The following VGLL4 variants were observed in gnomAD, a reference collection of about 807,000 sequenced individuals.
The protein encoded by VGLL4 is transcription cofactor vestigial-like protein 4.
VGLL4 carries 7 observed loss-of-function variants against 21.0 expected under a neutral mutation model. The ratio of observed to expected loss-of-function variants is 0.33; its 90% CI spans 0.19 to 0.63. VGLL4 has a LOEUF of 0.63. Ranked by LOEUF, VGLL4 falls within the 20% of genes least tolerant of loss-of-function variation. The pLI, the probability that VGLL4 is intolerant of heterozygous loss-of-function variation, is 0.78. For missense variants in VGLL4, 394 were observed against 425.7 expected (o/e 0.93, Z 0.66); for synonymous variants, 222 against 173.2 (o/e 1.28, Z -2.21).
chr3:11,684,428 T>C (rs944808044), intron 2 of VGLL4, among the ~76,000 whole-genome samples: 1 of 152,094 alleles, frequency 6.6e-6, no homozygotes, highest in Non-Finnish European at 1.5e-5. Flanking sequence ...TCACCCAGGC[T>C]GGAATGCAAT....
chr3:11,661,475 AT>A (rs1486397818), intron 2 of VGLL4, among the ~76,000 whole-genome samples: 1 of 151,448 alleles, frequency 6.6e-6, no homozygotes, highest in East Asian at 1.9e-4. Context: ...CTATTTATTT[AT>A]TTATTTATTT....
At chr3:11,675,575 G>A (rs952407012) in intron 2 of VGLL4, among the ~76,000 whole-genome samples, 1 of 152,020 alleles carries the variant, frequency 6.6e-6, no homozygotes, top group East Asian at 1.9e-4. Flanking sequence ...AAATATAAAA[G>A]TGTAATATAT....
intron 1 of VGLL4, among the ~76,000 whole-genome samples, chr3:11,628,858 A>G (rs939182965): frequency 1.3e-5 from 2 of 152,206 alleles, no homozygotes; most frequent in African/African-American, 2.4e-5. Context: ...CTCACTGCTA[A>G]TAACTTTAAA....
intron 2 of VGLL4, among the ~76,000 whole-genome samples, chr3:11,662,198 C>T (rs990475559): frequency 6.6e-5 from 10 of 152,206 alleles, no homozygotes; most frequent in Non-Finnish European, 4.4e-5. Flanking sequence ...GAAATGAAGG[C>T]AGAACCTGAG....
chr3:11,564,847 T>C lies in VGLL4; in HGVS notation c.445A>G (p.Ser149Gly). ...GTGGGCGAGAGGCCGGCTGGCCTGC[T>C]GGCGTCCAGGCTGTTCTTGGTCAGT... ...LALTKNSLDA[S>G]RPAGLSPTLT... The change falls in exon 3 of 5, where the codon AGC becomes GGC. Residue 149 changes from serine (S) to glycine (G), a missense_variant. Physicochemically the swap from Ser to Gly is moderately conservative, Grantham distance 56. Coordinates refer to ENST00000430365, the MANE Select transcript of VGLL4 (RefSeq NM_001128219.3). 6.2e-7 allele frequency: 1 copy of C among 1,604,136 alleles called. No individual in the cohort carries two copies. The highest frequency in any genetic ancestry group is 2.2e-5 in the East Asian group (1 of 44,564).
rs553272206 is a variant in VGLL4 at position 11,682,860 on chromosome 3, CA to C, written c.64+20110del. On this transcript the variant is annotated intron_variant, in intron 2 of 5. Coordinates refer to the VGLL4 transcript ENST00000273038. ...ACAATCAAGGTCCTATCCATTCCTACAGGCCTAAATTAGCATCTTCTGCATG... is the reference window on the plus strand; with the variant it reads ...ACAATCAAGGTCCTATCCATTCCTACGGCCTAAATTAGCATCTTCTGCATG... Among the ~76,000 whole-genome samples the C allele has an allele frequency of 4.0e-4, 61 of 152,210 alleles. No individual in the cohort carries two copies. The East Asian group carries it at 7.2e-3, about 18-fold the overall frequency.
In VGLL4 at chr3:11,558,296, A is replaced by C; in HGVS notation, c.*260T>G. 3.5e-6 allele frequency: 2 copies of C among 568,620 alleles called. No individual in the cohort carries two copies. Among genetic ancestry groups the C allele is most frequent in the East Asian group, 3.0e-5 (1 of 33,294 alleles). The allele number at this position is 568,620 out of a possible 1,614,324, so 35.2% of individuals were successfully genotyped here. A position where few individuals can be genotyped will look rare whatever the true frequency, so the allele number is the denominator to read the frequency against. On this transcript the variant is annotated 3_prime_UTR_variant, in exon 5 of 5. Transcript: ENST00000430365. ...GACCTGCATCAGAGGTTTCTTTGGTAACTGAGGCAGGAAGTAAGGATGCTA... is the reference window on the plus strand; with the variant it reads ...GACCTGCATCAGAGGTTTCTTTGGTCACTGAGGCAGGAAGTAAGGATGCTA...
rs112805465 is a variant in VGLL4, at chr3:11,628,546, C to T, written c.82+14891G>A. 1.2e-4 allele frequency among the ~76,000 whole-genome samples: 18 copies of T among 152,206 alleles called. 1 individual carries two copies. The highest frequency in any genetic ancestry group is 4.6e-4 in the Admixed American group (7 of 15,292). On this transcript the variant is annotated intron_variant, in intron 1 of 4. Coordinates refer to ENST00000430365, the MANE Select transcript of VGLL4 (RefSeq NM_001128219.3). Reference sequence around the variant, plus strand: ...TAAAAATTAATCAATCTCGGCCGGGCGCGGTGGCTCACGCCTGTAATCCCA... The same window carrying T: ...TAAAAATTAATCAATCTCGGCCGGGTGCGGTGGCTCACGCCTGTAATCCCA...
intron 1 of VGLL4, among the ~76,000 whole-genome samples, chr3:11,639,838 T>C (rs2075655724): frequency 6.6e-6 from 1 of 151,754 alleles, no homozygotes. Flanking sequence ...ATGGCGCCAC[T>C]GCACTCTAGT....
At chr3:11,615,486 G>A (rs959154446) in intron 1 of VGLL4, among the ~76,000 whole-genome samples, 4 of 152,310 alleles carry the variant, frequency 2.6e-5, no homozygotes, top group African/African-American at 4.8e-5. Context: ...GCACCACACC[G>A]GAAGGACCTG....
chr3:11,709,940 G>C (rs2076816062), intron 1 of VGLL4, among the ~76,000 whole-genome samples: 1 of 152,214 alleles, frequency 6.6e-6, no homozygotes, highest in African/African-American at 2.4e-5. Flanking sequence ...GCTCACAGTA[G>C]ACTGTATAAG....
chr3:11,624,746 CTG>C (rs1175302037), intron 1 of VGLL4, among the ~76,000 whole-genome samples: 1 of 152,158 alleles, frequency 6.6e-6, no homozygotes, highest in Admixed American at 6.5e-5. Flanking sequence ...AACTACCAAA[CTG>C]TAAATTTCTC....
rs141754738 is a variant in VGLL4 at position 11,601,889 on chromosome 3, G to T, written c.216C>A (p.Asp72Glu). Residue 72 changes from aspartate (D) to glutamate (E), a missense_variant, in exon 2 of 5, where the codon GAC becomes GAA. Physicochemically the swap from Asp to Glu is conservative, Grantham distance 45 (BLOSUM62 2). Transcript: ENST00000430365. ...AGACGTGGTCGTTGTCACAGTCTAG[G>T]TCCTCGTCACCTGGCTCCATGCTGA... ...RKFSMEPGDE[D>E]LDCDNDHVSK... is the part of the protein sequence containing the mutation. 1 of 1,613,784 alleles carries T rather than the reference G, an allele frequency of 6.2e-7. No homozygotes were observed. The highest frequency in any genetic ancestry group is 1.3e-5 in the African/African-American group (1 of 74,896).
At chr3:11,686,096 C>A (rs762299952) in intron 2 of VGLL4, among the ~76,000 whole-genome samples, 7 of 152,088 alleles carry the variant, frequency 4.6e-5, no homozygotes, top group Non-Finnish European at 1.0e-4. Flanking sequence ...GTAAAATGGT[C>A]CAGTCTCTAT....
chr3:11,565,206 G>A lies in VGLL4; in HGVS notation c.273-187C>T, dbSNP rs1038855532. On this transcript the variant is annotated intron_variant, in intron 2 of 4. Transcript: ENST00000430365. This position sits in a 1 kb window ranked among gnomAD's most constrained non-coding sequence, Gnocchi z 4.1. ...CCGGACACCAAAGCCTCTGGGTGCC[G>A]GAGAAGCTGCTGCCAGCGGAGTCCA... 2.0e-5 allele frequency among the ~76,000 whole-genome samples: 3 copies of A among 152,126 alleles called. No individual in the cohort carries two copies. Among genetic ancestry groups the A allele is most frequent in the South Asian group, 2.1e-4 (1 of 4,826 alleles).
chr3:11,632,832 G>C (rs1450487894), intron 1 of VGLL4, among the ~76,000 whole-genome samples: 2 of 152,134 alleles, frequency 1.3e-5, no homozygotes. Context: ...TTTGCTAGCA[G>C]CCATATCCCC....
At chr3:11,672,197 T>C (rs2076227024) in intron 2 of VGLL4, among the ~76,000 whole-genome samples, 1 of 152,176 alleles carries the variant, frequency 6.6e-6, no homozygotes, top group African/African-American at 2.4e-5. Context: ...CAAGGATGAG[T>C]CCCTTTGCAA....
intron 2 of VGLL4, among the ~76,000 whole-genome samples, chr3:11,679,807 AG>A (rs1286160143): frequency 6.6e-6 from 1 of 152,000 alleles, no homozygotes; most frequent in East Asian, 1.9e-4. Context: ...TTTTAAAAAA[AG>A]TTTATCAAGT....
At chr3:11,647,619 G>C (rs370635822), upstream of VGLL4, among the ~76,000 whole-genome samples, 4 of 152,286 alleles carry the variant, frequency 2.6e-5, no homozygotes, top group African/African-American at 9.6e-5. Flanking sequence ...ACACTGTTCA[G>C]ATTTTGGAGC....
Sources: gnomAD v4.1 joint callset for allele counts (sites outside exome capture counted in the v4.1 genomes callset) on GRCh38, gnomAD v4.1.1 for gene constraint, Gnocchi (gnomAD v3.1) non-coding constraint, MANE v1.5 for transcripts, NCBI Gene and HGNC (gene_info 2026-07-23, HGNC 2026-07-21) for gene names.